The following SEC22C variants were observed in gnomAD, a reference collection of about 807,000 sequenced individuals.
The protein encoded by SEC22C is vesicle-trafficking protein SEC22c.
SEC22C carries 29 observed loss-of-function variants against 34.7 expected under a neutral mutation model. That is an observed-to-expected ratio of 0.84 (90% CI 0.62 to 1.14). The LOEUF (loss-of-function observed/expected upper bound fraction) is 1.14. Among genes scored for constraint, SEC22C ranks in the 50% most tolerant of loss-of-function variants. SEC22C has a pLI of 0.00. For synonymous variants in SEC22C, 117 were observed against 132.8 expected, an observed-to-expected ratio of 0.88 and a Z score of 0.82; for missense variants, 337 against 369.0, an observed-to-expected ratio of 0.91 and a Z score of 0.71.
rs1194865816 is a variant in SEC22C at position 42,568,973 on chromosome 3, T to C, written c.74A>G (p.Tyr25Cys). 1.2e-6 allele frequency: 2 copies of C among 1,613,980 alleles called. No homozygotes were observed. The highest frequency in any genetic ancestry group is 2.2e-5 in the East Asian group (1 of 44,886). ...CCATTCCAAAAAATCTTGGGTGTGG[T>C]AAAAATCAGTAGAGGCTGAGAGGGG... ...GLPLSASTDF[Y>C]HTQDFLEWRR... The change falls in exon 2 of 7, where the codon TAC becomes TGC. Residue 25 changes from tyrosine (Y) to cysteine (C), a missense_variant. Coordinates refer to ENST00000264454, the MANE Select transcript of SEC22C (RefSeq NM_032970.4).
chr3:42,561,441 T>C (rs1702903612), intron 3 of SEC22C, 145 bp from the exon 4 acceptor site: 3 of 752,734 alleles, frequency 4.0e-6, no homozygotes, highest in Non-Finnish European at 6.4e-6. Flanking sequence ...AGTGGTGCGA[T>C]CACAACTCAC....
At chr3:42,562,689 A>G (rs1702997014) in intron 3 of SEC22C, among the ~76,000 whole-genome samples, 1 of 152,182 alleles carries the variant, frequency 6.6e-6, no homozygotes, top group South Asian at 2.1e-4. Context: ...CACGGAGAGC[A>G]CAGACTGTCC....
intron 2 of SEC22C, among the ~76,000 whole-genome samples, chr3:42,567,809 G>A (rs969409595): frequency 6.6e-6 from 1 of 152,114 alleles, no homozygotes; most frequent in Non-Finnish European, 1.5e-5. Context: ...AGTGGCTCAC[G>A]CCTGTAATCC....
chr3:42,571,518 A>T (rs1423989075), intron 1 of SEC22C, among the ~76,000 whole-genome samples: 1 of 152,246 alleles, frequency 6.6e-6, no homozygotes, highest in African/African-American at 2.4e-5. Flanking sequence ...AAGATTTTAT[A>T]GGCTGCCACG....
chr3:42,548,267 T>C lies in SEC22C; in HGVS notation c.*4981A>G, dbSNP rs895685992. On this transcript the variant is annotated 3_prime_UTR_variant, in exon 7 of 7. Coordinates refer to ENST00000264454, the MANE Select transcript of SEC22C (RefSeq NM_032970.4). The stretch of plus-strand genomic sequence containing the variant: ...TAGTAGAAAAGCCCATTAAACAAAA[T>C]AGAATCCTGGGGGATCAAATCATAT... The C allele has an allele frequency of 2.5e-5, 6 of 238,498 alleles. No homozygotes were observed. The highest frequency in any genetic ancestry group is 4.0e-5 in the Non-Finnish European group (5 of 123,658). The allele number at this position is 238,498 out of a possible 1,614,324, so 14.8% of individuals were successfully genotyped here. A position where few individuals can be genotyped will look rare whatever the true frequency, so the allele number is the denominator to read the frequency against.
rs1158857689 is a variant in SEC22C at position 42,561,343 on chromosome 3, T to C, written c.347-47A>G. The C allele has an allele frequency of 1.9e-6, 3 of 1,570,002 alleles. No individual in the cohort carries two copies. In the East Asian group the frequency reaches 6.7e-5, roughly 35 times the overall value. On this transcript the variant is annotated intron_variant, in intron 3 of 6. Transcript: ENST00000264454. The stretch of plus-strand genomic sequence containing the variant: ...AGTTAAGCATTTTCATCAGAATGGA[T>C]ATTATAAGACAATACGTACAAAATG...
rs756497303 is a variant in SEC22C at position 42,557,707 on chromosome 3, GA to G, written c.527-12del. The G allele has an allele frequency of 4.3e-6, 6 of 1,387,352 alleles. No homozygotes were observed. The highest frequency in any genetic ancestry group is 1.9e-5 in the Admixed American group (1 of 53,536). 85.9% of individuals were successfully genotyped at this position (1,387,352 alleles called of 1,614,324 possible). ...TTCGGAAATTAGGAGCTTCACAATG[GA>G]AAAAAAACAAGTGTCTAGTGTAAGT... On this transcript the variant is annotated splice_polypyrimidine_tract_variant and intron_variant, in intron 4 of 6. Transcript: ENST00000264454.
intron 1 of SEC22C, among the ~76,000 whole-genome samples, chr3:42,575,321 C>G (rs1703894733): frequency 1.3e-5 from 2 of 152,092 alleles, no homozygotes; most frequent in Admixed American, 1.3e-4. Flanking sequence ...CTAAATATGA[C>G]AATTGCCAAA....
At chr3:42,589,460 G>C (rs569486931) in intron 1 of SEC22C, among the ~76,000 whole-genome samples, 1 of 152,160 alleles carries the variant, frequency 6.6e-6, no homozygotes, top group African/African-American at 2.4e-5. Context: ...TAAATGAAGT[G>C]GCCGCTGCTC....
At position 42,555,979 on chromosome 3, in the gene SEC22C, A is replaced by C; in HGVS notation, c.662T>G (p.Ile221Ser). The C allele has an allele frequency of 6.2e-7, 1 of 1,613,528 alleles. No individual in the cohort carries two copies. Among genetic ancestry groups the C allele is most frequent in the Admixed American group, 1.7e-5 (1 of 59,938 alleles). ...EHSLQVAHEE[I>S]GNILAFLVPF... The stretch of plus-strand genomic sequence containing the variant: ...AACAAGAAAAGCCAGAATGTTTCCA[A>C]TTTCCTCATGGGCAACCTAAAACAA... The change falls in exon 6 of 7, where the codon ATT becomes AGT. Residue 221 changes from isoleucine (I) to serine (S), a missense_variant. Ile to Ser is a moderately radical substitution (Grantham distance 142, BLOSUM62 -2). Transcript: ENST00000264454.
chr3:42,554,570 C>A (rs1190086326), intron 6 of SEC22C, among the ~76,000 whole-genome samples: 2 of 152,002 alleles, frequency 1.3e-5, no homozygotes, highest in Non-Finnish European at 2.9e-5. Flanking sequence ...GAACTCCTGG[C>A]CTCAAGTGAT....
rs1702103332 is a variant in SEC22C at position 42,548,746 on chromosome 3, C to T, written c.*4502G>A. On this transcript the variant is annotated 3_prime_UTR_variant, in exon 7 of 7. Coordinates refer to ENST00000264454, the MANE Select transcript of SEC22C (RefSeq NM_032970.4). ...AGGGTGGGAAGAAGAGGGGCTGCTA[C>T]CTTTTGGAGTGAAAAAAATGAGGTT... is the stretch of plus-strand genomic sequence containing the variant. The T allele has an allele frequency of 1.3e-6, 2 of 1,596,268 alleles. No homozygotes were observed. The highest frequency in any genetic ancestry group is 1.1e-5 in the South Asian group (1 of 90,038).
At position 42,548,491 on chromosome 3, in the gene SEC22C, T is replaced by C; in HGVS notation, c.*4757A>G. ...TTTCCGAATCCAGCCATTCCCAGAT[T>C]TCACTGACATGCCCTTTTCCACAGG... is the stretch of plus-strand genomic sequence containing the variant. On this transcript the variant is annotated 3_prime_UTR_variant, in exon 7 of 7. Transcript: ENST00000264454. The C allele has an allele frequency of 9.2e-7, 1 of 1,086,776 alleles. No homozygotes were observed. The highest frequency in any genetic ancestry group is 1.4e-6 in the Non-Finnish European group (1 of 729,650). 67.3% of individuals were successfully genotyped at this position (1,086,776 alleles called of 1,614,324 possible).
intron 1 of SEC22C, among the ~76,000 whole-genome samples, chr3:42,575,109 A>G (rs1703881693): frequency 6.6e-6 from 1 of 152,208 alleles, no homozygotes; most frequent in Admixed American, 6.5e-5. Flanking sequence ...CAGCTTCCCA[A>G]AGTACTGGGA....
intron 1 of SEC22C, among the ~76,000 whole-genome samples, chr3:42,599,402 G>C (rs1705176371): frequency 6.6e-6 from 1 of 151,772 alleles, no homozygotes; most frequent in South Asian, 2.1e-4. Context: ...ATGTATAAGA[G>C]TCTTTTCAGG....
At chr3:42,584,598 C>T (rs2125734816), upstream of SEC22C, among the ~76,000 whole-genome samples, 1 of 152,230 alleles carries the variant, frequency 6.6e-6, no homozygotes, top group South Asian at 2.1e-4. Flanking sequence ...GGGCGGAAAT[C>T]GAAGTGGGGC....
Position 42,548,419 on chromosome 3 carries a change from A to G in SEC22C, c.*4829T>C. ...ATTTGTTAATTTTACCCTAAATAAAAGGCGCTTGTGGGCAACAGCTCTGCC... is the reference window on the plus strand; with the variant it reads ...ATTTGTTAATTTTACCCTAAATAAAGGGCGCTTGTGGGCAACAGCTCTGCC... On this transcript the variant is annotated 3_prime_UTR_variant, in exon 7 of 7. Transcript: ENST00000264454. 1 of 619,892 alleles carries G rather than the reference A, an allele frequency of 1.6e-6. No homozygotes were observed. The highest frequency in any genetic ancestry group is 2.9e-5 in the Admixed American group (1 of 34,244). The allele number at this position is 619,892 out of a possible 1,614,324, so 38.4% of individuals were successfully genotyped here. A position where few individuals can be genotyped will look rare whatever the true frequency, so the allele number is the denominator to read the frequency against.
rs550757652 is a variant in SEC22C, at chr3:42,578,575, A to G, written c.-28+3271T>C. 2.2e-3 allele frequency among the ~76,000 whole-genome samples: 326 copies of G among 148,870 alleles called. 3 individuals are homozygous for G. Among genetic ancestry groups the G allele is most frequent in the African/African-American group, 7.3e-3 (295 of 40,212 alleles). ...ACACACACACACACACACACACTTT[A>G]TACCAACATCAATTTCCTGGAGTTG... On this transcript the variant is annotated intron_variant, in intron 1 of 6. Coordinates refer to ENST00000264454, the MANE Select transcript of SEC22C (RefSeq NM_032970.4).
Position 42,549,452 on chromosome 3 carries a change from G to GAA in SEC22C, c.*3794_*3795dup, listed in dbSNP as rs1702143621. 1 of 985,740 alleles carries GAA rather than the reference G, an allele frequency of 1.0e-6. No individual in the cohort carries two copies. Among genetic ancestry groups the GAA allele is most frequent in the Non-Finnish European group, 1.2e-6 (1 of 830,152 alleles). The allele number at this position is 985,740 out of a possible 1,614,324, so 61.1% of individuals were successfully genotyped here. A position where few individuals can be genotyped will look rare whatever the true frequency, so the allele number is the denominator to read the frequency against. The stretch of plus-strand genomic sequence containing the variant: ...CAGCTGCTATCTTCCAGCAGAGAGA[G>GAA]AACCCCCAGCTCTGCTCCCTACCTA... On this transcript the variant is annotated 3_prime_UTR_variant, in exon 7 of 7. Coordinates refer to ENST00000264454, the MANE Select transcript of SEC22C (RefSeq NM_032970.4).
Sources: gnomAD v4.1 joint callset for allele counts (sites outside exome capture counted in the v4.1 genomes callset) on GRCh38, gnomAD v4.1.1 for gene constraint, MANE v1.5 for transcripts, NCBI Gene and HGNC (gene_info 2026-07-23, HGNC 2026-07-21) for gene names.